Variants in MYO16 observed in about 807,000 individuals in gnomAD.
MYO16 encodes the protein myosin XVI, also known as unconventional myosin-XVI.
A neutral mutation model predicts 205.3 loss-of-function variants in MYO16; 94 were observed. The observed-to-expected ratio is 0.46, with a 90% CI of 0.39 to 0.54. The LOEUF is 0.54. Among genes scored for constraint, MYO16 ranks in the 20% least tolerant of loss-of-function variants. The probability of loss-of-function intolerance (pLI) is 0.00; values close to 1 mark genes in which losing one functional copy is unlikely to be tolerated. For synonymous variants in MYO16, 988 were observed against 954.0 expected, an observed-to-expected ratio of 1.04 and a Z score of -0.66; for missense variants, 2,315 against 2,387.5, an observed-to-expected ratio of 0.97 and a Z score of 0.63.
intron 6 of MYO16, among the ~76,000 whole-genome samples, chr13:108,802,720 G>T (rs1315554055): frequency 2.6e-5 from 4 of 152,050 alleles, no homozygotes; most frequent in Non-Finnish European, 4.4e-5. Context: ...CCCTTTCTCT[G>T]TGTCCTTGCC....
At position 108,820,497 on chromosome 13, in the gene MYO16, T is replaced by C. The variant is rs1875908292; in HGVS notation, c.943+85T>C. The stretch of plus-strand genomic sequence containing the variant: ...AGTAGCCATCCATCTTCAGCACAGC[T>C]ACAAAGTGAGAGCTGGACATGCCTG... On this transcript the variant is annotated intron_variant, in intron 8 of 34. Transcript: ENST00000457511. The C allele has an allele frequency of 4.5e-5, 52 of 1,146,714 alleles. 1 individual carries two copies. The South Asian group carries it at 6.6e-4, about 15-fold the overall frequency. The allele number at this position is 1,146,714 out of a possible 1,614,324, so 71.0% of individuals were successfully genotyped here.
chr13:108,693,529 T>G (rs538039913), intron 2 of MYO16, among the ~76,000 whole-genome samples: 46 of 152,342 alleles, frequency 3.0e-4, no homozygotes, highest in Middle Eastern at 3.4e-3. Flanking sequence ...AGCATATTTT[T>G]AAGGTTCATT....
intron 4 of MYO16, among the ~76,000 whole-genome samples, chr13:108,748,042 C>T (rs1318202574): frequency 6.6e-6 from 1 of 152,102 alleles, no homozygotes. Context: ...CAGCCAACTG[C>T]AGCAAAACAC....
At chr13:108,725,582 T>G (rs1472187173) in intron 3 of MYO16, among the ~76,000 whole-genome samples, 1 of 152,156 alleles carries the variant, frequency 6.6e-6, no homozygotes. Context: ...TACACGGTTT[T>G]CAGTCTGGTT....
At chr13:108,712,236 C>G (rs1883750631) in intron 2 of MYO16, among the ~76,000 whole-genome samples, 1 of 152,100 alleles carries the variant, frequency 6.6e-6, no homozygotes, top group Admixed American at 6.5e-5. Context: ...GGTTAATGTG[C>G]AAAAGTAAAC....
the MYO16 span, among the ~76,000 whole-genome samples, chr13:108,497,632 T>G: frequency 1.2e-4 from 19 of 152,352 alleles, 1 homozygote; most frequent in South Asian, 2.9e-3. Flanking sequence ...CTGTGTACTA[T>G]GAGAATTGGG....
intron 6 of MYO16, among the ~76,000 whole-genome samples, chr13:108,804,268 G>A (rs1188399880): frequency 1.3e-5 from 2 of 152,196 alleles, no homozygotes; most frequent in Non-Finnish European, 2.9e-5. Context: ...TAGCTAGATA[G>A]GTGATTTCCA....
At chr13:108,833,917 C>T (rs941983780) in intron 9 of MYO16, among the ~76,000 whole-genome samples, 6 of 151,976 alleles carry the variant, frequency 3.9e-5, no homozygotes, top group African/African-American at 1.4e-4. Context: ...ATCTGTCTTA[C>T]CAATAGAAAA....
chr13:108,923,798 C>T (rs760203212), intron 16 of MYO16, among the ~76,000 whole-genome samples: 2 of 151,902 alleles, frequency 1.3e-5, no homozygotes, highest in Non-Finnish European at 2.9e-5. Context: ...TCTGCCACAC[C>T]GTGACTTCAT....
intron 27 of MYO16, among the ~76,000 whole-genome samples, chr13:109,064,578 A>G (rs1887687527): frequency 6.6e-6 from 1 of 152,182 alleles, no homozygotes; most frequent in African/African-American, 2.4e-5. Flanking sequence ...TAGCATACCT[A>G]AGCTCAAACC....
chr13:109,123,490 C>T (rs1020159232), intron 29 of MYO16, among the ~76,000 whole-genome samples: 1 of 152,134 alleles, frequency 6.6e-6, no homozygotes, highest in African/African-American at 2.4e-5. Context: ...AGGCCAATTT[C>T]AAGTCTTCTG....
chr13:108,658,132 A>G (rs900202691), intron 1 of MYO16, among the ~76,000 whole-genome samples: 1 of 152,168 alleles, frequency 6.6e-6, no homozygotes, highest in African/African-American at 2.4e-5. Context: ...TGTACGAAAG[A>G]ACTGGATGAA....
intron 20 of MYO16, among the ~76,000 whole-genome samples, chr13:108,990,341 T>C (rs1884787156): frequency 6.6e-6 from 1 of 152,140 alleles, no homozygotes; most frequent in African/African-American, 2.4e-5. Context: ...GAGAGACATA[T>C]CAGCAGATTG....
intron 1 of MYO16, among the ~76,000 whole-genome samples, chr13:108,642,660 T>A (rs1360005376): frequency 6.6e-6 from 1 of 152,088 alleles, no homozygotes; most frequent in Non-Finnish European, 1.5e-5. Context: ...TCAGGTGATC[T>A]GCTCGCCTAG....
chr13:108,615,826 A>G (rs1009427848), intron 1 of MYO16, among the ~76,000 whole-genome samples: 5 of 152,188 alleles, frequency 3.3e-5, no homozygotes, highest in African/African-American at 1.2e-4. Context: ...AAACTAGCTC[A>G]TCTACAACTG....
chr13:109,120,162 G>T (rs1432306133), intron 28 of MYO16, among the ~76,000 whole-genome samples: 1 of 152,172 alleles, frequency 6.6e-6, no homozygotes, highest in Non-Finnish European at 1.5e-5. Context: ...AAACAATGTT[G>T]ACACATGCAG....
At chr13:108,936,547 T>C (rs1024717126) in intron 16 of MYO16, among the ~76,000 whole-genome samples, 4 of 152,182 alleles carry the variant, frequency 2.6e-5, no homozygotes, top group African/African-American at 9.6e-5. Context: ...ATCATTTGTA[T>C]TTCTGTAGGA....
chr13:108,845,797 G>C (rs751896377), intron 10 of MYO16, among the ~76,000 whole-genome samples: 10 of 152,222 alleles, frequency 6.6e-5, no homozygotes, highest in African/African-American at 1.9e-4. Flanking sequence ...GCTCATTGCA[G>C]CCTCAACCTC....
chr13:108,729,894 C>T (rs1235073901), intron 4 of MYO16, among the ~76,000 whole-genome samples: 1 of 152,180 alleles, frequency 6.6e-6, no homozygotes, highest in Non-Finnish European at 1.5e-5. Flanking sequence ...TCACATGATA[C>T]TCACAATTAA....
Sources: gnomAD v4.1 joint callset for allele counts (sites outside exome capture counted in the v4.1 genomes callset) on GRCh38, gnomAD v4.1.1 for gene constraint, MANE v1.5 for transcripts, NCBI Gene and HGNC (gene_info 2026-07-23, HGNC 2026-07-21) for gene names.